GALNT13: variants seen among roughly 807,000 people sequenced by gnomAD.
GALNT13 encodes the protein UDP-GalNAc:polypeptide N-acetylgalactosaminyltransferase 13.
Under a neutral mutation model 64.2 loss-of-function variants are expected in GALNT13, and 28 were observed. The ratio of observed to expected loss-of-function variants is 0.44; its 90% confidence interval spans 0.32 to 0.60. GALNT13 has a LOEUF of 0.60. GALNT13 is among the 20% of genes least tolerant of loss of function. The pLI is 0.05. For synonymous variants in GALNT13, 214 were observed against 224.6 expected (o/e 0.95, Z 0.42); for missense variants, 577 against 669.8 (o/e 0.86, Z 1.53).
At chr2:153,511,402 G>A in the GALNT13 span, among the ~76,000 whole-genome samples, 1 of 152,046 alleles carries the variant, frequency 6.6e-6, no homozygotes, top group Non-Finnish European at 1.5e-5. Flanking sequence ...TGAGAAAACC[G>A]AGCATGGGGG....
intron 9 of GALNT13, among the ~76,000 whole-genome samples, chr2:154,324,544 G>A (rs909406523): frequency 3.3e-5 from 5 of 152,116 alleles, no homozygotes; most frequent in Non-Finnish European, 7.4e-5. Context: ...CATGGGGATA[G>A]GGTAGGTTGA....
chr2:153,751,547 T>C, the GALNT13 span, among the ~76,000 whole-genome samples: 2 of 151,828 alleles, frequency 1.3e-5, no homozygotes, highest in African/African-American at 4.8e-5. Flanking sequence ...TTGTTATATA[T>C]TTTTGCTCTA....
chr2:153,589,892 C>T, the GALNT13 span, among the ~76,000 whole-genome samples: 1 of 152,054 alleles, frequency 6.6e-6, no homozygotes, highest in African/African-American at 2.4e-5. Context: ...ACAGCCAAAC[C>T]ATATCAAAGG....
intron 3 of GALNT13, among the ~76,000 whole-genome samples, chr2:153,997,561 A>C (rs1695603716): frequency 6.6e-6 from 1 of 152,078 alleles, no homozygotes; most frequent in Non-Finnish European, 1.5e-5. Flanking sequence ...TACTAGTTCT[A>C]ACAGTTTTGT....
intron 2 of GALNT13, among the ~76,000 whole-genome samples, chr2:153,902,437 G>A (rs1292089494): frequency 6.6e-6 from 1 of 152,160 alleles, no homozygotes; most frequent in Middle Eastern, 3.4e-3. Context: ...AAGTGGGAGA[G>A]AAAGACAAAA....
chr2:153,580,769 C>T, the GALNT13 span, among the ~76,000 whole-genome samples: 1 of 152,130 alleles, frequency 6.6e-6, no homozygotes, highest in Admixed American at 6.6e-5. Flanking sequence ...AGAAATTAGT[C>T]TTAATGTAAT....
intron 3 of GALNT13, among the ~76,000 whole-genome samples, chr2:154,003,354 C>T (rs1364876410): frequency 2.0e-5 from 3 of 152,166 alleles, no homozygotes; most frequent in Admixed American, 6.5e-5. Flanking sequence ...AGGAAATTCT[C>T]TGAGAGTGGT....
At chr2:153,550,914 C>A in the GALNT13 span, among the ~76,000 whole-genome samples, 1 of 151,788 alleles carries the variant, frequency 6.6e-6, no homozygotes, top group African/African-American at 2.4e-5. Flanking sequence ...AGTGGAGGGA[C>A]AATAAAAAAC....
the GALNT13 span, among the ~76,000 whole-genome samples, chr2:153,568,462 A>G: frequency 6.6e-6 from 1 of 152,206 alleles, no homozygotes; most frequent in African/African-American, 2.4e-5. Flanking sequence ...ACTGTTACTT[A>G]CTTACATACA....
chr2:153,884,585 A>G (rs1256421657), intron 1 of GALNT13, among the ~76,000 whole-genome samples: 1 of 151,524 alleles, frequency 6.6e-6, no homozygotes, highest in Non-Finnish European at 1.5e-5. Flanking sequence ...TAAAGCCATT[A>G]ATAAACTCTA....
intron 3 of GALNT13, among the ~76,000 whole-genome samples, chr2:154,026,295 A>C (rs1285877386): frequency 6.6e-6 from 1 of 152,092 alleles, no homozygotes; most frequent in Non-Finnish European, 1.5e-5. Flanking sequence ...AAGGGTAAGG[A>C]GAGACTCAAA....
At chr2:153,798,322 C>G in the GALNT13 span, among the ~76,000 whole-genome samples, 2 of 152,064 alleles carry the variant, frequency 1.3e-5, no homozygotes, top group Non-Finnish European at 2.9e-5. Flanking sequence ...ACAATTTTTA[C>G]TATTGTATGA....
chr2:153,613,472 A>G, the GALNT13 span, among the ~76,000 whole-genome samples: 1 of 152,122 alleles, frequency 6.6e-6, no homozygotes, highest in African/African-American at 2.4e-5. Flanking sequence ...ACTCAATTGT[A>G]TTAGGGCTTT....
chr2:153,223,799 A>T, the GALNT13 span, among the ~76,000 whole-genome samples: 1 of 152,020 alleles, frequency 6.6e-6, no homozygotes, highest in Middle Eastern at 3.4e-3. Flanking sequence ...CCTCTACTAA[A>T]AAAAAAGAAA....
intron 4 of GALNT13, among the ~76,000 whole-genome samples, chr2:154,182,333 T>C (rs1190794897): frequency 1.4e-4 from 21 of 152,182 alleles, no homozygotes; most frequent in Admixed American, 1.4e-3. Context: ...AAATTGCTGT[T>C]TTTTGTGTGC....
At chr2:153,534,525 TC>T in the GALNT13 span, among the ~76,000 whole-genome samples, 213 of 149,654 alleles carry the variant, frequency 1.4e-3, 1 homozygote, top group African/African-American at 4.7e-3. Context: ...TTTCTTTCTT[TC>T]TTTTTTTTTT....
chr2:153,310,199 TA>T, the GALNT13 span, among the ~76,000 whole-genome samples: 2 of 152,222 alleles, frequency 1.3e-5, no homozygotes, highest in Non-Finnish European at 2.9e-5. Flanking sequence ...AAAGTTAGTT[TA>T]AAAAATCATG....
At position 154,018,177 on chromosome 2, in the gene GALNT13, C is replaced by T. The variant is rs190533032; in HGVS notation, c.142+73538C>T. ...GTACATTCGCAACTGCAATCTCATA[C>T]ACTCAGTAAATATATGAACGGAAAC... On this transcript the variant is annotated intron_variant, in intron 3 of 12. Coordinates refer to ENST00000392825, the MANE Select transcript of GALNT13 (RefSeq NM_052917.4). Among the ~76,000 whole-genome samples, 3 of 152,298 alleles carry T rather than the reference C, an allele frequency of 2.0e-5. No individual in the cohort carries two copies. The East Asian group carries it at 5.8e-4, about 29-fold the overall frequency.
At chr2:154,176,240 A>ATTATTTATTTATTTAT (rs3075864) in intron 4 of GALNT13, among the ~76,000 whole-genome samples, 42 of 132,750 alleles carry the variant, frequency 3.2e-4, no homozygotes, top group South Asian at 7.7e-4. Context: ...GAACATATAT[A>ATTATTTATTTATTTAT]TTATTTATTT....
Sources: gnomAD v4.1 joint callset for allele counts (sites outside exome capture counted in the v4.1 genomes callset) on GRCh38, gnomAD v4.1.1 for gene constraint, MANE v1.5 for transcripts, NCBI Gene and HGNC (gene_info 2026-07-23, HGNC 2026-07-21) for gene names.